Variants in OTC observed in about 807,000 individuals in gnomAD.
The protein encoded by OTC is ornithine transcarbamylase.
In OTC, 3 loss-of-function variants were observed where a neutral mutation model predicts 30.3. That is an observed-to-expected ratio of 0.10 (90% confidence interval 0.05 to 0.26). The LOEUF (loss-of-function observed/expected upper bound fraction) is 0.26, where lower values mean the gene tolerates loss of function less well. Among genes scored for constraint, OTC ranks in the 10% least tolerant of loss-of-function variants. The pLI is 1.00. For missense variants in OTC, 194 were observed against 260.3 expected (o/e 0.75, Z 1.75); for synonymous variants, 111 against 99.7 (o/e 1.11, Z -0.67).
intron 4 of OTC, among the ~76,000 whole-genome samples, chrX:38,385,386 G>C (rs1193688725): frequency 1.8e-5 from 2 of 112,627 alleles, no homozygotes; most frequent in African/African-American, 6.5e-5. Context: ...ATGAATAGAA[G>C]AGCAGGTTGA....
chrX:38,371,308 G>A (rs773231696), intron 3 of OTC, among the ~76,000 whole-genome samples: 1 of 111,040 alleles, frequency 9.0e-6, no homozygotes, highest in South Asian at 3.9e-4. Context: ...TATCTCTGCA[G>A]TTTCAAAATG....
intron 4 of OTC, among the ~76,000 whole-genome samples, chrX:38,386,084 T>TA (rs199846125): frequency 0.011 from 1,052 of 95,784 alleles, 3 homozygotes; most frequent in African/African-American, 0.016. Flanking sequence ...AAGGCTCTGT[T>TA]AAAAAAAAAG....
chrX:38,406,896 T>C (rs1374316511), intron 6 of OTC, among the ~76,000 whole-genome samples: 1 of 112,694 alleles, frequency 8.9e-6, no homozygotes, highest in Non-Finnish European at 1.9e-5. Flanking sequence ...CTTTCAAGAA[T>C]GCTTTAATAG....
chrX:38,413,641 T>C lies in OTC; in HGVS notation c.1005+1642T>C, dbSNP rs1341130178. Among the ~76,000 whole-genome samples, 10 of 106,086 alleles carry C rather than the reference T, an allele frequency of 9.4e-5. No homozygotes were observed. The Admixed American group carries it at 1.0e-3, about 11-fold the overall frequency. 92.1% of individuals were successfully genotyped at this position (106,086 alleles called of 115,157 possible). ...AGATTTGAATTCTGTAGGTCTAAGA[T>C]GGAGCTTGAGATTTGGCACATCTAT... On this transcript the variant is annotated intron_variant, in intron 9 of 9. Transcript: ENST00000039007.
At chrX:38,371,262 C>T (rs963684139) in intron 3 of OTC, among the ~76,000 whole-genome samples, 2 of 111,560 alleles carry the variant, frequency 1.8e-5, no homozygotes, top group African/African-American at 6.5e-5. Flanking sequence ...GCCTGGAATT[C>T]TAGGCTGTTA....
At chrX:38,389,479 G>T (rs930843300) in intron 4 of OTC, among the ~76,000 whole-genome samples, 1 of 111,319 alleles carries the variant, frequency 9.0e-6, no homozygotes, top group Admixed American at 9.6e-5. Context: ...AAGGTTTTAC[G>T]ATTTTTGGTA....
At chrX:38,381,316 AT>A (rs753063591) in intron 3 of OTC, 25 bp from the exon 4 acceptor site, 2 of 1,086,572 alleles carry the variant, frequency 1.8e-6, no homozygotes, top group Admixed American at 4.8e-5. Context: ...TTTCAAAATG[AT>A]TTTTTTCTTT....
At chrX:38,402,339 C>A (rs1288966910) in intron 5 of OTC, among the ~76,000 whole-genome samples, 1 of 111,698 alleles carries the variant, frequency 9.0e-6, no homozygotes, top group Non-Finnish European at 1.9e-5. Context: ...AATGAGCTGT[C>A]CTATTCATCA....
chrX:38,404,721 TA>T (rs112359766), intron 6 of OTC, among the ~76,000 whole-genome samples: 2 of 110,866 alleles, frequency 1.8e-5, no homozygotes, highest in African/African-American at 6.6e-5. Flanking sequence ...CCTAAGGGAT[TA>T]GGGGGAGCAG....
chrX:38,403,095 A>G (rs1427735767), intron 5 of OTC, among the ~76,000 whole-genome samples: 1 of 111,815 alleles, frequency 8.9e-6, no homozygotes, highest in Non-Finnish European at 1.9e-5. Flanking sequence ...TACAGGAATG[A>G]GCCACTGCAC....
rs2068488935 is a variant in OTC, at chrX:38,401,608, C to G, written c.540+180C>G. Among the ~76,000 whole-genome samples, 3 of 112,137 alleles carry G rather than the reference C, an allele frequency of 2.7e-5. No individual in the cohort carries two copies. In the Admixed American group the frequency reaches 2.8e-4, roughly 11 times the overall value. ...AACAGGACATTGTTAAAAACAGACT[C>G]TAAGATCGCTCTGCACTCAACCCTA... On this transcript the variant is annotated intron_variant, in intron 5 of 9. Transcript: ENST00000039007.
intron 6 of OTC, among the ~76,000 whole-genome samples, chrX:38,404,488 T>C (rs1261545159): frequency 8.9e-6 from 1 of 112,191 alleles, no homozygotes; most frequent in Non-Finnish European, 1.9e-5. Flanking sequence ...TTCTGAGAAA[T>C]GGGTCCTTCG....
intron 4 of OTC, among the ~76,000 whole-genome samples, chrX:38,385,343 C>T (rs754347399): frequency 3.5e-4 from 39 of 112,229 alleles, no homozygotes; most frequent in African/African-American, 1.1e-3. Flanking sequence ...CATTCTGGAG[C>T]GAGGAGGCTT....
At chrX:38,340,183 G>A in the OTC span, among the ~76,000 whole-genome samples, 2 of 111,059 alleles carry the variant, frequency 1.8e-5, no homozygotes, top group East Asian at 2.8e-4. Flanking sequence ...ATCCTAGGTC[G>A]AGAATATGTT....
intron 1 of OTC, among the ~76,000 whole-genome samples, chrX:38,365,398 G>A (rs989643407): frequency 8.9e-6 from 1 of 112,250 alleles, no homozygotes; most frequent in Admixed American, 9.5e-5. Context: ...GATCTTTTTC[G>A]GTTTTGGTTT....
intron 9 of OTC, among the ~76,000 whole-genome samples, chrX:38,414,368 C>A (rs1284509771): frequency 6.3e-5 from 7 of 111,890 alleles, no homozygotes; most frequent in Non-Finnish European, 1.3e-4. Flanking sequence ...AATCTTACAT[C>A]CACCCATTTT....
chrX:38,411,610 C>T (rs186123749), intron 8 of OTC, among the ~76,000 whole-genome samples: 1 of 108,636 alleles, frequency 9.2e-6, no homozygotes, highest in African/African-American at 3.4e-5. Flanking sequence ...AGGTTGCAGT[C>T]AGCCGAGATT....
In OTC at chrX:38,354,508, G is replaced by C. The variant is rs184664083; in HGVS notation, c.77+1735G>C. ...AAATAATTATTACGGATTAAATTTTGCAAGTAAAACCTCCTCCAAACAGTT... is the reference window on the plus strand; with the variant it reads ...AAATAATTATTACGGATTAAATTTTCCAAGTAAAACCTCCTCCAAACAGTT... On this transcript the variant is annotated intron_variant, in intron 1 of 9. Coordinates refer to ENST00000039007, the MANE Select transcript of OTC (RefSeq NM_000531.6). Among the ~76,000 whole-genome samples, 43 of 110,187 alleles carry C rather than the reference G, an allele frequency of 3.9e-4. No homozygotes were observed. In the East Asian group the frequency reaches 8.5e-3, roughly 22 times the overall value.
intron 3 of OTC, among the ~76,000 whole-genome samples, chrX:38,371,412 C>T (rs904250566): frequency 1.8e-5 from 2 of 111,652 alleles, no homozygotes; most frequent in African/African-American, 3.3e-5. Context: ...AATATGACTG[C>T]CCAAATGAGC....
Sources: gnomAD v4.1 joint callset for allele counts (sites outside exome capture counted in the v4.1 genomes callset) on GRCh38, gnomAD v4.1.1 for gene constraint, MANE v1.5 for transcripts, NCBI Gene and HGNC (gene_info 2026-07-23, HGNC 2026-07-21) for gene names.